NBEA: variants seen among roughly 807,000 people sequenced by gnomAD.
NBEA encodes neurobeachin.
A neutral mutation model predicts 343.4 loss-of-function variants in NBEA; 44 were observed. The observed-to-expected ratio is 0.13, with a 90% CI of 0.10 to 0.16. NBEA has a LOEUF of 0.16. Among genes scored for constraint, NBEA ranks in the 10% least tolerant of loss-of-function variants. The probability of loss-of-function intolerance (pLI) is 1.00; values close to 1 mark genes in which losing one functional copy is unlikely to be tolerated. For missense variants in NBEA, 2,555 were observed against 3,631.3 expected, an observed-to-expected ratio of 0.70 and a Z score of 7.62; for synonymous variants, 1,175 against 1,238.7, an observed-to-expected ratio of 0.95 and a Z score of 1.08.
At chr13:35,054,134 A>G (rs912469378) in intron 6 of NBEA, among the ~76,000 whole-genome samples, 32 of 152,088 alleles carry the variant, frequency 2.1e-4, no homozygotes, top group Non-Finnish European at 1.5e-5. Flanking sequence ...ATCTTTTCCT[A>G]TATGTAGGCA....
At position 35,641,143 on chromosome 13, in the gene NBEA, T is replaced by G. The variant is rs562985606; in HGVS notation, c.7618-4726T>G. On this transcript the variant is annotated intron_variant, in intron 49 of 58. Transcript: ENST00000379939. ...TTTTGATATATACAAGTTTTATTAA[T>G]AAGTTATCAGTACCCTAAAAGATTA... 3.9e-5 allele frequency among the ~76,000 whole-genome samples: 6 copies of G among 152,288 alleles called. 1 individual carries two copies. The Middle Eastern group carries it at 0.017, about 432-fold the overall frequency.
intron 13 of NBEA, among the ~76,000 whole-genome samples, chr13:35,114,588 C>CT (rs2066402783): frequency 6.6e-6 from 1 of 152,124 alleles, no homozygotes; most frequent in Non-Finnish European, 1.5e-5. Context: ...TCCAGACTCA[C>CT]TTGGCTCTGG....
intron 39 of NBEA, among the ~76,000 whole-genome samples, chr13:35,435,554 G>C (rs1203436356): frequency 6.6e-6 from 1 of 151,930 alleles, no homozygotes. Context: ...AGTGGGGTGG[G>C]GGGGGCGTGT....
chr13:35,655,519 A>G, intron 54 of NBEA, 60 bp from the exon 55 acceptor site: 1 of 1,481,456 alleles, frequency 6.8e-7, no homozygotes, highest in South Asian at 1.3e-5. Context: ...ATAAAGTTAC[A>G]CTTATTACCA....
chr13:35,603,954 T>C (rs1566394709), intron 47 of NBEA, among the ~76,000 whole-genome samples: 1 of 152,236 alleles, frequency 6.6e-6, no homozygotes, highest in Admixed American at 6.5e-5. Context: ...AGAAACTATA[T>C]ATTTTACATT....
chr13:35,428,816 A>G (rs1211765761), intron 38 of NBEA, among the ~76,000 whole-genome samples: 1 of 151,726 alleles, frequency 6.6e-6, no homozygotes, highest in Non-Finnish European at 1.5e-5. Flanking sequence ...TTTTTTTCTG[A>G]GATAATTTAT....
intron 18 of NBEA, among the ~76,000 whole-genome samples, chr13:35,154,189 T>C (rs1010432490): frequency 6.6e-6 from 1 of 152,208 alleles, no homozygotes; most frequent in Non-Finnish European, 1.5e-5. Flanking sequence ...ATTCCTAATA[T>C]ACTTATGTAA....
intron 41 of NBEA, among the ~76,000 whole-genome samples, chr13:35,524,020 A>T (rs1214159352): frequency 6.6e-6 from 1 of 152,204 alleles, no homozygotes; most frequent in Admixed American, 6.5e-5. Context: ...TGTTTTAAAT[A>T]TTCACCATTT....
rs189211260 is a variant in NBEA at position 35,187,066 on chromosome 13, A to T, written c.4927+2995A>T. On this transcript the variant is annotated intron_variant, in intron 30 of 58. Coordinates refer to ENST00000379939, the MANE Select transcript of NBEA (RefSeq NM_001385012.1). Reference sequence around the variant, plus strand: ...TTTAAAGTTTAAAAGTAGTTTTAAAATTTTTTATTTTTTCAGTAATTTACA... The same window carrying T: ...TTTAAAGTTTAAAAGTAGTTTTAAATTTTTTTATTTTTTCAGTAATTTACA... Among the ~76,000 whole-genome samples, 43 of 152,214 alleles carry T rather than the reference A, an allele frequency of 2.8e-4. 1 individual carries two copies. In the Middle Eastern group the frequency reaches 0.01, roughly 36 times the overall value.
At chr13:35,153,173 C>CA (rs2068911095) in intron 18 of NBEA, among the ~76,000 whole-genome samples, 1 of 151,592 alleles carries the variant, frequency 6.6e-6, no homozygotes, top group Non-Finnish European at 1.5e-5. Flanking sequence ...GCTGGGACTA[C>CA]AGGTGCCTGC....
chr13:35,551,665 GGT>G (rs1306507112), intron 43 of NBEA, among the ~76,000 whole-genome samples: 16 of 151,856 alleles, frequency 1.1e-4, no homozygotes, highest in Non-Finnish European at 1.9e-4. Context: ...AAACTATAGG[GGT>G]GTGTGTGTTT....
At chr13:35,489,925 G>T (rs572402102) in intron 41 of NBEA, among the ~76,000 whole-genome samples, 3 of 152,012 alleles carry the variant, frequency 2.0e-5, no homozygotes, top group Admixed American at 2.0e-4. Flanking sequence ...ATGTTCCAAA[G>T]CTGTTTCATT....
At chr13:35,127,279 G>A (rs964277972) in intron 17 of NBEA, among the ~76,000 whole-genome samples, 3 of 152,168 alleles carry the variant, frequency 2.0e-5, no homozygotes, top group African/African-American at 7.2e-5. Flanking sequence ...TAAAAAGGAT[G>A]CTGTCAAATA....
At chr13:35,378,808 C>T (rs1016110839) in intron 38 of NBEA, among the ~76,000 whole-genome samples, 10 of 151,840 alleles carry the variant, frequency 6.6e-5, no homozygotes, top group African/African-American at 2.4e-4. Flanking sequence ...TTGTATTCCT[C>T]ACCCTGCTAA....
intron 34 of NBEA, among the ~76,000 whole-genome samples, chr13:35,263,504 A>G (rs1292860421): frequency 6.6e-6 from 1 of 152,190 alleles, no homozygotes; most frequent in African/African-American, 2.4e-5. Context: ...CACATGGAGC[A>G]TTCTCCAGAA....
At chr13:35,020,289 G>A (rs752899350) in intron 1 of NBEA, among the ~76,000 whole-genome samples, 49 of 151,918 alleles carry the variant, frequency 3.2e-4, no homozygotes, top group Non-Finnish European at 5.9e-4. Flanking sequence ...ACATACTTAG[G>A]TATTATTATT....
At chr13:35,624,130 GAT>G (rs1161741469) in intron 48 of NBEA, among the ~76,000 whole-genome samples, 2 of 151,730 alleles carry the variant, frequency 1.3e-5, no homozygotes, top group Admixed American at 1.3e-4. Flanking sequence ...TCAGGAAAAA[GAT>G]AGGGATTTTC....
At chr13:35,516,233 T>C (rs147153804) in intron 41 of NBEA, among the ~76,000 whole-genome samples, 31 of 152,252 alleles carry the variant, frequency 2.0e-4, no homozygotes, top group African/African-American at 7.2e-4. Context: ...GTTCCTATAT[T>C]CAGGAAAGGT....
chr13:35,550,462 A>C lies in NBEA; in HGVS notation c.6586-15A>C. 1 of 1,497,012 alleles carries C rather than the reference A, an allele frequency of 6.7e-7. No individual in the cohort carries two copies. Among genetic ancestry groups the C allele is most frequent in the Non-Finnish European group, 9.3e-7 (1 of 1,077,492 alleles). 92.7% of individuals were successfully genotyped at this position (1,497,012 alleles called of 1,614,324 possible). A position where few individuals can be genotyped will look rare whatever the true frequency, so the allele number is the denominator to read the frequency against. On this transcript the variant is annotated splice_polypyrimidine_tract_variant and intron_variant, in intron 41 of 58. Transcript: ENST00000379939. ...TTTTATTGATTGACACTTCCCTTTA[A>C]ACTGTTTATTTTAGGTTCTTGCATA...
Sources: gnomAD v4.1 joint callset for allele counts (sites outside exome capture counted in the v4.1 genomes callset) on GRCh38, gnomAD v4.1.1 for gene constraint, MANE v1.5 for transcripts, NCBI Gene and HGNC (gene_info 2026-07-23, HGNC 2026-07-21) for gene names.